Variants in LAMC1 observed in about 807,000 individuals in gnomAD.
LAMC1 encodes laminin subunit gamma 1.
A neutral mutation model predicts 173.6 loss-of-function variants in LAMC1; 38 were observed. That is an observed-to-expected ratio of 0.22 (90% CI 0.17 to 0.29). The LOEUF is 0.29. Ranked by LOEUF, LAMC1 falls within the 10% of genes least tolerant of loss-of-function variation. The pLI is 1.00. For synonymous variants in LAMC1, 746 were observed against 749.1 expected (o/e 1.00, Z 0.07); for missense variants, 1,824 against 2,051.8 (o/e 0.89, Z 2.14).
chr1:183,132,575 T>G, intron 21 of LAMC1, 38 bp downstream of exon 21: 2 of 1,548,892 alleles, frequency 1.3e-6, no homozygotes, highest in Non-Finnish European at 1.8e-6. Flanking sequence ...CCCCTTCAGG[T>G]GTTCTGGTAA....
chr1:183,079,607 G>A (rs1211626699), intron 1 of LAMC1, among the ~76,000 whole-genome samples: 5 of 151,962 alleles, frequency 3.3e-5, no homozygotes. Flanking sequence ...CTCTAATCTG[G>A]TCTTCTTTGA....
chr1:183,106,197 A>G (rs1655973910), intron 2 of LAMC1, among the ~76,000 whole-genome samples: 1 of 151,356 alleles, frequency 6.6e-6, no homozygotes, highest in Admixed American at 6.6e-5. Context: ...GCCCATTAGG[A>G]AAAAAAAATG....
intron 1 of LAMC1, among the ~76,000 whole-genome samples, chr1:183,075,915 G>A (rs532874094): frequency 1.2e-4 from 18 of 152,216 alleles, no homozygotes; most frequent in Admixed American, 3.9e-4. Flanking sequence ...TGAAATGTTT[G>A]GTTTGTGACT....
chr1:183,036,102 T>G (rs1427146794), intron 1 of LAMC1, among the ~76,000 whole-genome samples: 1 of 150,954 alleles, frequency 6.6e-6, no homozygotes, highest in African/African-American at 2.4e-5. Context: ...AATTCTTTTT[T>G]TTTTTTTTTT....
intron 1 of LAMC1, among the ~76,000 whole-genome samples, chr1:183,076,897 A>C (rs1012390215): frequency 2.0e-5 from 3 of 152,148 alleles, no homozygotes; most frequent in Non-Finnish European, 2.9e-5. Context: ...ACCATCTAAT[A>C]CCTTGTCCTA....
chr1:183,121,507 G>GCACGAT (rs200408413), intron 11 of LAMC1, among the ~76,000 whole-genome samples: 3,729 of 152,138 alleles, frequency 0.025, 150 homozygotes, highest in African/African-American at 0.084. Flanking sequence ...CAGATACTTA[G>GCACGAT]CACTCAGTAC....
chr1:183,117,217 C>A, intron 8 of LAMC1, 103 bp from the exon 9 acceptor site: 1 of 1,256,592 alleles, frequency 8.0e-7, no homozygotes. Flanking sequence ...TGATGCCTTT[C>A]TGTATACAAG....
At chr1:183,071,169 G>A (rs1655002736) in intron 1 of LAMC1, among the ~76,000 whole-genome samples, 1 of 151,510 alleles carries the variant, frequency 6.6e-6, no homozygotes, top group African/African-American at 2.4e-5. Context: ...GTATGTGTGT[G>A]TTTGTGTGTG....
At chr1:183,071,698 G>A (rs979258578) in intron 1 of LAMC1, among the ~76,000 whole-genome samples, 7 of 152,162 alleles carry the variant, frequency 4.6e-5, no homozygotes, top group East Asian at 1.9e-4. Context: ...ATTTAATGCC[G>A]TATTTTCCCC....
chr1:183,142,388 T>C (rs1219278996), intron 27 of LAMC1, 146 bp from the exon 28 acceptor site: 2 of 772,020 alleles, frequency 2.6e-6, no homozygotes, highest in Non-Finnish European at 4.1e-6. Flanking sequence ...TACCATTGTG[T>C]GACATCAACA....
intron 17 of LAMC1, 82 bp from the exon 18 acceptor site, chr1:183,128,512 G>T: frequency 1.7e-6 from 2 of 1,145,310 alleles, no homozygotes; most frequent in Non-Finnish European, 2.4e-6. Context: ...GAGTGCCCAT[G>T]ATTCCTGCAG....
At chr1:183,073,808 A>G (rs1655065894) in intron 1 of LAMC1, among the ~76,000 whole-genome samples, 1 of 152,238 alleles carries the variant, frequency 6.6e-6, no homozygotes, top group South Asian at 2.1e-4. Flanking sequence ...ATAATAGACA[A>G]GAGAAGCAGA....
chr1:183,128,400 A>G (rs893473970), intron 17 of LAMC1, among the ~76,000 whole-genome samples, 194 bp from the exon 18 acceptor site: 1 of 152,112 alleles, frequency 6.6e-6, no homozygotes, highest in African/African-American at 2.4e-5. Context: ...CCAACATGGC[A>G]CATGTATACA....
chr1:183,102,800 C>G (rs1655868443), intron 1 of LAMC1, among the ~76,000 whole-genome samples: 1 of 152,128 alleles, frequency 6.6e-6, no homozygotes, highest in Non-Finnish European at 1.5e-5. Flanking sequence ...ACTGTCCTCC[C>G]TTCTTCAAAT....
At chr1:183,083,385 G>C (rs1173309716) in intron 1 of LAMC1, among the ~76,000 whole-genome samples, 1 of 152,172 alleles carries the variant, frequency 6.6e-6, no homozygotes, top group African/African-American at 2.4e-5. Context: ...TCCAGAAACA[G>C]TAAGAATCAC....
At chr1:183,074,579 A>T (rs983366076) in intron 1 of LAMC1, among the ~76,000 whole-genome samples, 1 of 152,238 alleles carries the variant, frequency 6.6e-6, no homozygotes, top group Non-Finnish European at 1.5e-5. Context: ...ATAATTGTAC[A>T]GTAATATTGA....
intron 4 of LAMC1, 34 bp from the exon 5 acceptor site, chr1:183,114,497 A>G (rs757860329): frequency 8.7e-6 from 14 of 1,608,828 alleles, no homozygotes; most frequent in Non-Finnish European, 1.2e-5. Flanking sequence ...AAAGGTACCC[A>G]GATCTGATGT....
In LAMC1 at chr1:183,143,376, T is replaced by C. The variant is rs559184894; in HGVS notation, c.*586T>C. ...CATCCATCAGTGCTTTTAGTTATTA[T>C]GAGTGTAGGACACTGAGCCATCCGT... On this transcript the variant is annotated 3_prime_UTR_variant, in exon 28 of 28. Coordinates refer to ENST00000258341, the MANE Select transcript of LAMC1 (RefSeq NM_002293.4). 6.5e-6 allele frequency: 1 copy of C among 153,672 alleles called. No individual in the cohort carries two copies. The highest frequency in any genetic ancestry group is 2.4e-5 in the African/African-American group (1 of 41,564). 9.5% of individuals were successfully genotyped at this position (153,672 alleles called of 1,614,324 possible).
intron 17 of LAMC1, 97 bp from the exon 18 acceptor site, chr1:183,128,497 T>C (rs1182933118): frequency 3.3e-6 from 3 of 901,886 alleles, no homozygotes; most frequent in Non-Finnish European, 4.9e-6. Context: ...AACTACATAT[T>C]CATGGAGTGC....
Sources: gnomAD v4.1 joint callset for allele counts (sites outside exome capture counted in the v4.1 genomes callset) on GRCh38, gnomAD v4.1.1 for gene constraint, MANE v1.5 for transcripts, NCBI Gene and HGNC (gene_info 2026-07-23, HGNC 2026-07-21) for gene names.